Variants in RYK observed in about 807,000 individuals in gnomAD.
RYK encodes inactive tyrosine-protein kinase RYK.
In RYK, 21 loss-of-function variants were observed where a neutral mutation model predicts 70.2. The ratio of observed to expected loss-of-function variants is 0.30; its 90% CI spans 0.21 to 0.43. The LOEUF is 0.43. Among genes scored for constraint, RYK ranks in the 20% least tolerant of loss-of-function variants. The pLI, the probability that RYK is intolerant of heterozygous loss-of-function variation, is 1.00. For synonymous variants in RYK, 267 were observed against 278.0 expected, an observed-to-expected ratio of 0.96 and a Z score of 0.39; for missense variants, 604 against 753.3, an observed-to-expected ratio of 0.80 and a Z score of 2.32.
chr3:134,204,713 G>A lies in RYK; in HGVS notation c.644-1839C>T, dbSNP rs185800697. ...GGAAGATGCAAACAGAAGTAGAACT[G>A]GTGTGACTGGAGATTCATGAAAGAT... is the stretch of plus-strand genomic sequence containing the variant. On this transcript the variant is annotated intron_variant, in intron 5 of 14. Transcript: ENST00000623711. 2.6e-5 allele frequency among the ~76,000 whole-genome samples: 4 copies of A among 151,856 alleles called. No homozygotes were observed. In the South Asian group the frequency reaches 6.2e-4, roughly 24 times the overall value.
chr3:134,170,575 A>C (rs1335272463), intron 13 of RYK: 3 of 158,486 alleles, frequency 1.9e-5, no homozygotes, highest in African/African-American at 7.2e-5. Flanking sequence ...AAGCAGAAAA[A>C]CCCAAAGATC....
chr3:134,177,826 G>C, intron 11 of RYK, 115 bp downstream of exon 11: 1 of 833,262 alleles, frequency 1.2e-6, no homozygotes, highest in Non-Finnish European at 1.8e-6. Context: ...TTCATTTTGA[G>C]GTTCTTTTTT....
intron 6 of RYK, among the ~76,000 whole-genome samples, chr3:134,195,877 T>C (rs530309747): frequency 6.6e-6 from 1 of 151,360 alleles, no homozygotes; most frequent in Non-Finnish European, 1.5e-5. Flanking sequence ...ATCTGGGAGG[T>C]GGAGTTTGCA....
At chr3:134,207,429 T>C in intron 5 of RYK, 43 bp downstream of exon 5, 1 of 1,318,064 alleles carries the variant, frequency 7.6e-7, no homozygotes, top group Non-Finnish European at 1.0e-6. Flanking sequence ...GTCAACCATT[T>C]TTCATTTCTA....
At chr3:134,238,759 G>T (rs1295015480) in intron 1 of RYK, among the ~76,000 whole-genome samples, 6 of 152,180 alleles carry the variant, frequency 3.9e-5, no homozygotes, top group African/African-American at 1.4e-4. Context: ...AAGTTAAGTA[G>T]AATCATGGAA....
rs2108142375 is a variant in RYK at position 134,165,531 on chromosome 3, G to A, written c.1576-6158C>T. Among the ~76,000 whole-genome samples the A allele has an allele frequency of 2.6e-5, 4 of 152,272 alleles. No homozygotes were observed. In the Middle Eastern group the frequency reaches 0.01, roughly 388 times the overall value. On this transcript the variant is annotated intron_variant, in intron 13 of 14. Transcript: ENST00000623711. Reference sequence around the variant, plus strand: ...CCAGGCCTAGAGCAGATGTCCAGAGGGACATGCCTCCTCTTAGATGCCTCT... The same window carrying A: ...CCAGGCCTAGAGCAGATGTCCAGAGAGACATGCCTCCTCTTAGATGCCTCT...
Position 134,211,578 on chromosome 3 carries a change from G to A in RYK, c.384C>T (p.Asp128=). 1 of 1,613,488 alleles carries A rather than the reference G, an allele frequency of 6.2e-7. No individual in the cohort carries two copies. Among genetic ancestry groups the A allele is most frequent in the Admixed American group, 1.7e-5 (1 of 60,004 alleles). ...GGGGCATATCCATTGCCAAAACATT[G>A]TCCACTTGGAATCCCAGCTTATATT... ...KVEYKLGFQV[D]NVLAMDMPQV... Residue 128 remains aspartate, a synonymous_variant, in exon 3 of 15, where the codon GAC becomes GAT. Coordinates refer to ENST00000623711, the MANE Select transcript of RYK (RefSeq NM_002958.4).
Position 134,175,644 on chromosome 3 carries a change from G to C in RYK, c.1540C>G (p.Leu514Val), listed in dbSNP as rs1170545684. 1.2e-6 allele frequency: 2 copies of C among 1,613,942 alleles called. No homozygotes were observed. Among genetic ancestry groups the C allele is most frequent in the Non-Finnish European group, 1.7e-6 (2 of 1,179,872 alleles). Residue 514 changes from leucine to valine, a missense_variant, in exon 13 of 15, where the codon CTG (leucine) becomes GTG (valine). Physicochemically the swap from Leu to Val is conservative, Grantham distance 32. Transcript: ENST00000623711. ...RPVRWMALES[L>V]VNNEFSSASD... is the part of the protein sequence containing the mutation. ...GCGCTAGAGAACTCGTTATTAACCA[G>C]ACTTTCAAGAGCCATCCAACGAACT...
chr3:134,179,465 CTA>C (rs1246603621), intron 10 of RYK: 1 of 152,186 alleles, frequency 6.6e-6, no homozygotes, highest in Non-Finnish European at 1.5e-5. Context: ...GGCAACCTCT[CTA>C]TAACCGCTCA....
At chr3:134,177,142 G>A (rs1364720499) in intron 11 of RYK, among the ~76,000 whole-genome samples, 2 of 152,100 alleles carry the variant, frequency 1.3e-5, no homozygotes, top group Non-Finnish European at 1.5e-5. Flanking sequence ...GTTCTTCTAG[G>A]TGTATGACAG....
At chr3:134,233,243 T>C (rs535494112) in intron 1 of RYK, among the ~76,000 whole-genome samples, 1 of 152,362 alleles carries the variant, frequency 6.6e-6, no homozygotes, top group Admixed American at 6.5e-5. Context: ...ATTGCAGAAA[T>C]CTTGAGTGGC....
chr3:134,250,471 G>C lies in RYK; in HGVS notation c.184C>G (p.Pro62Ala). Reference sequence around the variant, plus strand: ...TCGCTCAGGTAGAGACTCACGCTGGGCCCCGCGGAAGCCGACTGCAGCTCC... The same window carrying C: ...TCGCTCAGGTAGAGACTCACGCTGGCCCCCGCGGAAGCCGACTGCAGCTCC... Reference protein sequence around the residue: ...PPELQSASAGPSVSLYLSEDE... With the variant: ...PPELQSASAGASVSLYLSEDE... Residue 62 changes from proline (P) to alanine (A), a missense_variant, in exon 1 of 15, where the codon CCC (proline) becomes GCC (alanine). Transcript: ENST00000623711. 7.3e-7 allele frequency: 1 copy of C among 1,368,324 alleles called. No homozygotes were observed. Among genetic ancestry groups the C allele is most frequent in the Non-Finnish European group, 9.5e-7 (1 of 1,055,614 alleles). 84.8% of individuals were successfully genotyped at this position (1,368,324 alleles called of 1,614,324 possible). A position where few individuals can be genotyped will look rare whatever the true frequency, so the allele number is the denominator to read the frequency against.
intron 13 of RYK, among the ~76,000 whole-genome samples, chr3:134,175,361 A>C (rs2013061067): frequency 1.3e-5 from 2 of 151,716 alleles, no homozygotes; most frequent in South Asian, 2.1e-4. Context: ...AAAAAAAAAA[A>C]AGTGCTTCTG....
chr3:134,223,110 T>C (rs1297259900), intron 1 of RYK, among the ~76,000 whole-genome samples: 5 of 152,116 alleles, frequency 3.3e-5, no homozygotes, highest in African/African-American at 1.2e-4. Flanking sequence ...CTACCAAGAC[T>C]ACAAAGGGAA....
At chr3:134,235,745 G>C (rs1045122044) in intron 1 of RYK, among the ~76,000 whole-genome samples, 2 of 152,170 alleles carry the variant, frequency 1.3e-5, no homozygotes, top group Admixed American at 6.5e-5. Flanking sequence ...TACTGTCAGG[G>C]AGTGTTAAGC....
intron 5 of RYK, among the ~76,000 whole-genome samples, chr3:134,205,047 A>C (rs1391034495): frequency 6.6e-6 from 1 of 152,228 alleles, no homozygotes; most frequent in Non-Finnish European, 1.5e-5. Context: ...AATGGATTGT[A>C]CCAAAGTAGA....
chr3:134,173,672 G>A (rs780738195), intron 13 of RYK, among the ~76,000 whole-genome samples: 8 of 152,078 alleles, frequency 5.3e-5, no homozygotes, highest in African/African-American at 1.2e-4. Context: ...CCTTGGTCTC[G>A]CCCTTGACGT....
At chr3:134,202,946 A>G (rs1027205479) in intron 5 of RYK, 72 bp from the exon 6 acceptor site, 7 of 1,257,716 alleles carry the variant, frequency 5.6e-6, no homozygotes, top group African/African-American at 4.5e-5. Context: ...ATATACATAA[A>G]TAAGTATTCT....
At chr3:134,175,904 G>T in intron 12 of RYK, 26 bp downstream of exon 12, 1 of 1,565,100 alleles carries the variant, frequency 6.4e-7, no homozygotes, top group South Asian at 1.1e-5. Context: ...TACATCAAGT[G>T]ACAGCGTCAA....
Sources: allele counts gnomAD v4.1 joint callset (sites outside exome capture counted in the v4.1 genomes callset), GRCh38; gene constraint gnomAD v4.1.1; transcripts MANE v1.5; gene names NCBI Gene and HGNC (gene_info 2026-07-23, HGNC 2026-07-21).